The following PAK3 variants were observed in gnomAD, a reference collection of about 807,000 sequenced individuals.
PAK3 encodes p21 (RAC1) activated kinase 3.
PAK3 carries 4 observed loss-of-function variants against 41.0 expected under a neutral mutation model. The ratio of observed to expected loss-of-function variants is 0.10; its 90% CI spans 0.05 to 0.22. The LOEUF (loss-of-function observed/expected upper bound fraction) is 0.22. PAK3 is among the 10% of genes least tolerant of loss of function. PAK3 has a pLI of 1.00. For missense variants in PAK3, 205 were observed against 409.9 expected, an observed-to-expected ratio of 0.50 and a Z score of 4.32; for synonymous variants, 146 against 139.6, an observed-to-expected ratio of 1.05 and a Z score of -0.32.
intron 1 of PAK3, among the ~76,000 whole-genome samples, chrX:111,016,931 G>A (rs2092100938): frequency 9.0e-6 from 1 of 111,168 alleles, no homozygotes. Context: ...GTTGCCTTTG[G>A]GGCTCTCAGT....
intron 10 of PAK3, among the ~76,000 whole-genome samples, chrX:111,169,861 A>G (rs1174206232): frequency 8.9e-6 from 1 of 111,836 alleles, no homozygotes; most frequent in Non-Finnish European, 1.9e-5. Context: ...GAAGTGGTAA[A>G]TGATGAGAAG....
intron 1 of PAK3, among the ~76,000 whole-genome samples, chrX:111,035,450 T>C (rs2092390340): frequency 9.0e-6 from 1 of 111,475 alleles, no homozygotes; most frequent in Admixed American, 9.5e-5. Flanking sequence ...AAACCACCTG[T>C]TGTTCTTTAC....
chrX:110,978,704 C>CTCTTTCTTTCTT (rs377626068), intron 1 of PAK3, among the ~76,000 whole-genome samples: 2 of 104,046 alleles, frequency 1.9e-5, no homozygotes, highest in African/African-American at 7.1e-5. Context: ...TTCTCTCTGT[C>CTCTTTCTTTCTT]TCTTTCTTTC....
Position 111,147,748 on chromosome X carries a change from G to A in PAK3, c.288G>A (p.Glu96=). The A allele has an allele frequency of 8.3e-7, 1 of 1,200,852 alleles. No individual in the cohort carries two copies. Among genetic ancestry groups the A allele is most frequent in the Middle Eastern group, 2.3e-4 (1 of 4,326 alleles). Residue 96 remains glutamate (E), a synonymous_variant, in exon 7 of 18, where the codon GAG becomes GAA. Coordinates refer to ENST00000372007, the MANE Select transcript of PAK3 (RefSeq NM_002578.5). ...AVTGEFTGIP[E]QWARLLQTSN... is the part of the protein sequence containing the mutation. ...TTGGTTGTCCACAGGGAATTCCAGA[G>A]CAATGGGCACGATTACTCCAAACTT...
intron 1 of PAK3, among the ~76,000 whole-genome samples, chrX:110,960,611 C>G (rs1409299244): frequency 9.0e-6 from 1 of 111,184 alleles, no homozygotes; most frequent in East Asian, 2.8e-4. Flanking sequence ...CTGGCTCTTA[C>G]TTTGAATGAG....
chrX:110,967,332 G>A (rs1232184721), intron 1 of PAK3, among the ~76,000 whole-genome samples: 1 of 112,486 alleles, frequency 8.9e-6, no homozygotes, highest in Admixed American at 9.4e-5. Flanking sequence ...GGTTAGTGCT[G>A]AGGTGTCACG....
At chrX:110,970,777 T>C (rs908478984) in intron 1 of PAK3, among the ~76,000 whole-genome samples, 20 of 112,244 alleles carry the variant, frequency 1.8e-4, no homozygotes, top group Non-Finnish European at 3.0e-4. Flanking sequence ...ATAAGTACAA[T>C]TGGTTTTTGT....
chrX:111,100,317 A>G (rs745959625), intron 3 of PAK3, among the ~76,000 whole-genome samples: 1 of 111,433 alleles, frequency 9.0e-6, no homozygotes, highest in South Asian at 3.8e-4. Context: ...ACTTTTTGGA[A>G]TTCAGCACCC....
chrX:111,006,349 C>T (rs1200930221), intron 1 of PAK3, among the ~76,000 whole-genome samples: 1 of 111,687 alleles, frequency 9.0e-6, no homozygotes. Flanking sequence ...AGGAAATATG[C>T]ACTAAAGTAT....
intron 5 of PAK3, among the ~76,000 whole-genome samples, chrX:111,137,709 T>G (rs1217758379): frequency 9.0e-6 from 1 of 111,582 alleles, no homozygotes; most frequent in Non-Finnish European, 1.9e-5. Flanking sequence ...AGAGATTAGC[T>G]AGCCCCAGGA....
At position 111,039,052 on chromosome X, in the gene PAK3, C is replaced by A. The variant is rs1390906583; in HGVS notation, c.-27-84025C>A. 3.6e-5 allele frequency among the ~76,000 whole-genome samples: 4 copies of A among 111,706 alleles called. No individual in the cohort carries two copies. In the Admixed American group the frequency reaches 3.8e-4, roughly 11 times the overall value. ...AAGGTCACCATGGCAGACTTAGACC[C>A]AACTTAAGCCATAACTTTTCAGTAG... On this transcript the variant is annotated intron_variant, in intron 1 of 14. Coordinates refer to the PAK3 transcript ENST00000425146.
chrX:111,176,491 T>C (rs1240147026), intron 11 of PAK3, among the ~76,000 whole-genome samples: 1 of 111,034 alleles, frequency 9.0e-6, no homozygotes, highest in Non-Finnish European at 1.9e-5. Context: ...ATCCCAGAAC[T>C]TAAAGTAAAA....
In PAK3 at chrX:111,212,935, C is replaced by A. The variant is rs772739423; in HGVS notation, c.1408-3486C>A. Among the ~76,000 whole-genome samples the A allele has an allele frequency of 6.2e-5, 7 of 112,355 alleles. No homozygotes were observed. In the South Asian group the frequency reaches 2.6e-3, roughly 42 times the overall value. On this transcript the variant is annotated intron_variant, in intron 16 of 17. Coordinates refer to ENST00000372007, the MANE Select transcript of PAK3 (RefSeq NM_002578.5). ...TTGGTGTGTTTCAGCCTTTTTCTTA[C>A]CGCATGCATTTTTTAATCAGTTCAC...
intron 11 of PAK3, among the ~76,000 whole-genome samples, chrX:111,191,190 C>G (rs2094557499): frequency 1.8e-5 from 2 of 111,803 alleles, no homozygotes; most frequent in African/African-American, 6.5e-5. Flanking sequence ...CCTCGACCTC[C>G]TGGGCTCAAG....
intron 1 of PAK3, among the ~76,000 whole-genome samples, chrX:110,946,311 C>A (rs1392057732): frequency 5.7e-5 from 6 of 104,947 alleles, no homozygotes; most frequent in African/African-American, 2.1e-4. Flanking sequence ...AAATTCTCAA[C>A]AAACTCAGAA....
chrX:111,196,855 T>TTTC (rs201469513), intron 16 of PAK3, among the ~76,000 whole-genome samples: 96 of 70,651 alleles, frequency 1.4e-3, no homozygotes, highest in African/African-American at 0.012. Flanking sequence ...TCTTTCTTTC[T>TTTC]TTTTTTTTTT....
chrX:111,139,983 G>A (rs2093848559), intron 5 of PAK3, among the ~76,000 whole-genome samples: 1 of 111,676 alleles, frequency 9.0e-6, no homozygotes, highest in African/African-American at 3.2e-5. Flanking sequence ...CTTACCAAGA[G>A]CTAATTACTG....
chrX:111,131,980 AT>A (rs752592755), intron 5 of PAK3, among the ~76,000 whole-genome samples: 80 of 109,935 alleles, frequency 7.3e-4, no homozygotes, highest in Non-Finnish European at 1.1e-3. Context: ...GCAAAATGGC[AT>A]TTTTTTTTAA....
intron 1 of PAK3, among the ~76,000 whole-genome samples, chrX:110,998,084 G>C (rs1046999152): frequency 8.9e-6 from 1 of 111,879 alleles, no homozygotes; most frequent in African/African-American, 3.2e-5. Flanking sequence ...ATCCAAGCTG[G>C]AGATGTCAAA....
Sources: gnomAD v4.1 joint callset for allele counts (sites outside exome capture counted in the v4.1 genomes callset) on GRCh38, gnomAD v4.1.1 for gene constraint, MANE v1.5 for transcripts, NCBI Gene and HGNC (gene_info 2026-07-23, HGNC 2026-07-21) for gene names.